FBN1: variants seen among roughly 807,000 people sequenced by gnomAD.
FBN1 encodes fibrillin-1.
In FBN1, 29 loss-of-function variants were observed where a neutral mutation model predicts 365.1. The ratio of observed to expected loss-of-function variants is 0.08; its 90% CI spans 0.06 to 0.11. FBN1 has a LOEUF of 0.11. FBN1 is among the 10% of genes least tolerant of loss of function. The pLI is 1.00. For missense variants in FBN1, 2,476 were observed against 3,703.2 expected (o/e 0.67, Z 8.60); for synonymous variants, 1,210 against 1,270.5 (o/e 0.95, Z 1.01).
intron 49 of FBN1, among the ~76,000 whole-genome samples, chr15:48,443,974 G>A (rs2043135342): frequency 6.6e-6 from 1 of 152,172 alleles, no homozygotes; most frequent in Admixed American, 6.5e-5. Flanking sequence ...CAAGCTTACA[G>A]TGAGCTATAC....
At chr15:48,557,114 A>G (rs1352059672) in intron 6 of FBN1, among the ~76,000 whole-genome samples, 5 of 152,178 alleles carry the variant, frequency 3.3e-5, no homozygotes, top group African/African-American at 1.2e-4. Flanking sequence ...TTTTGTGTAA[A>G]AAGGCAGTGC....
At chr15:48,582,739 A>G (rs1233357151) in intron 6 of FBN1, among the ~76,000 whole-genome samples, 1 of 152,184 alleles carries the variant, frequency 6.6e-6, no homozygotes, top group African/African-American at 2.4e-5. Flanking sequence ...GTGTACTTGC[A>G]TTTTTTTGGA....
chr15:48,458,100 A>G (rs2043254758), intron 43 of FBN1, among the ~76,000 whole-genome samples: 1 of 152,160 alleles, frequency 6.6e-6, no homozygotes. Context: ...CTACAATCCA[A>G]AGTCTTCCAA....
At chr15:48,454,390 G>C (rs1042142453) in intron 44 of FBN1, among the ~76,000 whole-genome samples, 1 of 152,128 alleles carries the variant, frequency 6.6e-6, no homozygotes, top group Non-Finnish European at 1.5e-5. Context: ...TTGGATAATG[G>C]ATATTGTGTG....
intron 10 of FBN1, among the ~76,000 whole-genome samples, chr15:48,517,712 A>T (rs1488763429): frequency 6.6e-6 from 1 of 152,186 alleles, no homozygotes; most frequent in Non-Finnish European, 1.5e-5. Flanking sequence ...TTCTATAAGT[A>T]ACCTATGTGA....
In FBN1 at chr15:48,437,957, A is replaced by G. The variant is rs185693683; in HGVS notation, c.6164-40T>C. Reference sequence around the variant, plus strand: ...TATGACACCCTTCAGTTGCTTTCCTACTGAGTCCGTATTGCACCATAGCAA... The same window carrying G: ...TATGACACCCTTCAGTTGCTTTCCTGCTGAGTCCGTATTGCACCATAGCAA... On this transcript the variant is annotated intron_variant, in intron 50 of 65. Transcript: ENST00000316623. 23 of 1,608,934 alleles carry G rather than the reference A, an allele frequency of 1.4e-5. No homozygotes were observed. The Admixed American group carries it at 3.8e-4, about 27-fold the overall frequency.
intron 8 of FBN1, chr15:48,529,514 C>A (rs539652023): frequency 6.6e-6 from 1 of 152,252 alleles, no homozygotes; most frequent in African/African-American, 2.4e-5. Flanking sequence ...CTGGGACAGG[C>A]ATCACCATCT....
At chr15:48,420,256 G>C (rs567867200) in intron 63 of FBN1, among the ~76,000 whole-genome samples, 1 of 152,140 alleles carries the variant, frequency 6.6e-6, no homozygotes, top group Non-Finnish European at 1.5e-5. Flanking sequence ...TCCTGCTTGC[G>C]CTCTGTCTCA....
Position 48,445,019 on chromosome 15 carries a change from A to G in FBN1, c.5917+357T>C, listed in dbSNP as rs114919945. Reference sequence around the variant, plus strand: ...AAGAAGGGAAATCACAATTGCTTACAGAGCAATTTAGCAATTTCACTGTTT... The same window carrying G: ...AAGAAGGGAAATCACAATTGCTTACGGAGCAATTTAGCAATTTCACTGTTT... On this transcript the variant is annotated intron_variant, in intron 48 of 65. Transcript: ENST00000316623. Among the ~76,000 whole-genome samples, 653 of 151,368 alleles carry G rather than the reference A, an allele frequency of 4.3e-3. 3 individuals carry two copies. The highest frequency in any genetic ancestry group is 0.015 in the African/African-American group (630 of 41,414).
chr15:48,636,170 G>A (rs1302454690), intron 2 of FBN1, among the ~76,000 whole-genome samples: 1 of 152,164 alleles, frequency 6.6e-6, no homozygotes, highest in Non-Finnish European at 1.5e-5. Flanking sequence ...CAGGTCATGC[G>A]ATTCCAGGCT....
rs527583963 is a variant in FBN1, at chr15:48,557,484, G to A, written c.539-19676C>T. On this transcript the variant is annotated intron_variant, in intron 6 of 65. Coordinates refer to ENST00000316623, the MANE Select transcript of FBN1 (RefSeq NM_000138.5). ...CCTTTTTCACCTTGGAACACGCTGA[G>A]GATGGCGTCAAGAAAGCCAGGTTTA... is the stretch of plus-strand genomic sequence containing the variant. Among the ~76,000 whole-genome samples the A allele has an allele frequency of 2.6e-5, 4 of 152,306 alleles. No individual in the cohort carries two copies. The East Asian group carries it at 7.7e-4, about 29-fold the overall frequency.
chr15:48,644,739 G>T lies in FBN1; in HGVS notation c.31C>A (p.Leu11Met). Residue 11 changes from leucine to methionine, a missense_variant, in exon 2 of 66, where the codon CTG becomes ATG. Leu to Met is a conservative substitution (Grantham distance 15). Transcript: ENST00000316623. MRRGRLLEIA[L>M]GFTVLLASYT... ...GACGCTAAAAGCACGGTAAATCCCA[G>T]GGCGATCTCCAGCAGACGCCCTCGA... 1 of 1,613,568 alleles carries T rather than the reference G, an allele frequency of 6.2e-7. No individual in the cohort carries two copies.
chr15:48,468,142 C>A (rs994743001), intron 37 of FBN1, 40 bp from the exon 38 acceptor site: 4 of 1,611,302 alleles, frequency 2.5e-6, no homozygotes, highest in South Asian at 1.1e-5. Context: ...CAGGCAGAAT[C>A]TTTCTACTGG....
chr15:48,619,789 G>T (rs898883322), intron 2 of FBN1, among the ~76,000 whole-genome samples: 1 of 150,086 alleles, frequency 6.7e-6, no homozygotes, highest in Non-Finnish European at 1.5e-5. Context: ...GAAACAAACT[G>T]AAATAATTTG....
chr15:48,629,399 C>A (rs1202676223), intron 2 of FBN1, among the ~76,000 whole-genome samples: 2 of 152,082 alleles, frequency 1.3e-5, no homozygotes, highest in Non-Finnish European at 2.9e-5. Context: ...TAAGACAGAT[C>A]AACCAATTGC....
intron 13 of FBN1, among the ~76,000 whole-genome samples, chr15:48,511,424 CTTTTT>C (rs766476244): frequency 2.7e-5 from 4 of 146,272 alleles, no homozygotes; most frequent in Admixed American, 6.9e-5. Flanking sequence ...CTTGAGCAGA[CTTTTT>C]TTTTTTAAGG....
chr15:48,623,962 GACACAA>G (rs1371262256), intron 2 of FBN1, among the ~76,000 whole-genome samples: 1 of 83,280 alleles, frequency 1.2e-5, no homozygotes, highest in African/African-American at 3.7e-5. Context: ...CACACACAAA[GACACAA>G]ACACACACAC....
chr15:48,421,972 T>C lies in FBN1; in HGVS notation c.7550A>G (p.Gln2517Arg), dbSNP rs368725343. 1.9e-6 allele frequency: 3 copies of C among 1,613,474 alleles called. No homozygotes were observed. In the African/African-American group the frequency reaches 4.0e-5, roughly 22 times the overall value. ...FTCKCPPGFT[Q>R]HHTSCIDNNE... ...CTCACCAATGCAGGACGTATGGTGT[T>C]GGGTAAATCCGGGAGGACATTTGCA... is the stretch of plus-strand genomic sequence containing the variant. Residue 2517 changes from glutamine to arginine, a missense_variant, in exon 61 of 66, where the codon CAA becomes CGA. Gln to Arg is a conservative substitution (Grantham distance 43, BLOSUM62 1). Transcript: ENST00000316623.
chr15:48,490,353 A>G (rs1462773587), intron 24 of FBN1, among the ~76,000 whole-genome samples: 1 of 152,158 alleles, frequency 6.6e-6, no homozygotes, highest in Admixed American at 6.5e-5. Context: ...GTATTCTGAG[A>G]GATCCCACAG....
Sources: gnomAD v4.1 joint callset for allele counts (sites outside exome capture counted in the v4.1 genomes callset) on GRCh38, gnomAD v4.1.1 for gene constraint, MANE v1.5 for transcripts, NCBI Gene and HGNC (gene_info 2026-07-23, HGNC 2026-07-21) for gene names.